The following ZNF362 variants were observed in gnomAD, a reference collection of about 807,000 sequenced individuals.
ZNF362 encodes the protein rotund homolog.
In ZNF362, 11 loss-of-function variants were observed where a neutral mutation model predicts 42.9. The ratio of observed to expected loss-of-function variants is 0.26; its 90% CI spans 0.16 to 0.42. The LOEUF (loss-of-function observed/expected upper bound fraction) is 0.42, where lower values mean the gene tolerates loss of function less well. Ranked by LOEUF, ZNF362 falls within the 20% of genes least tolerant of loss-of-function variation. ZNF362 has a pLI of 1.00. For synonymous variants in ZNF362, 255 were observed against 257.3 expected (o/e 0.99, Z 0.09); for missense variants, 362 against 576.2 (o/e 0.63, Z 3.81).
chr1:33,189,410 T>G, the ZNF362 span, among the ~76,000 whole-genome samples: 2 of 151,952 alleles, frequency 1.3e-5, no homozygotes, highest in African/African-American at 4.8e-5. Flanking sequence ...TTCAATGGAT[T>G]ACTGTTGCAC....
At chr1:33,189,634 C>CAT in the ZNF362 span, among the ~76,000 whole-genome samples, 274 of 55,476 alleles carry the variant, frequency 4.9e-3, 1 homozygote, top group African/African-American at 0.013. Flanking sequence ...CACATTCCAG[C>CAT]ATATATATAT....
the ZNF362 span, among the ~76,000 whole-genome samples, chr1:33,210,480 T>C: frequency 2.0e-5 from 3 of 152,202 alleles, no homozygotes; most frequent in South Asian, 6.2e-4. Context: ...TGGATATCCT[T>C]GTTAATTTTC....
chr1:33,223,893 CAAAAAAAAAAAA>C, the ZNF362 span, among the ~76,000 whole-genome samples: 1 of 85,440 alleles, frequency 1.2e-5, no homozygotes, highest in African/African-American at 5.2e-5. Flanking sequence ...AACTCCATCT[CAAAAAAAAAAAA>C]AAAAAGAAAA....
chr1:33,211,562 AC>A, the ZNF362 span, among the ~76,000 whole-genome samples: 1 of 151,946 alleles, frequency 6.6e-6, no homozygotes, highest in South Asian at 2.1e-4. Flanking sequence ...TTGAATATTG[AC>A]CCCCACTCTC....
the ZNF362 span, among the ~76,000 whole-genome samples, chr1:33,229,023 G>A: frequency 3.9e-5 from 6 of 152,056 alleles, no homozygotes; most frequent in Admixed American, 3.3e-4. Context: ...CCTCTGCAAG[G>A]GGTGGTTTTC....
chr1:33,182,600 T>TTGTGTGTGTGTG, the ZNF362 span, among the ~76,000 whole-genome samples: 164 of 147,084 alleles, frequency 1.1e-3, no homozygotes, highest in African/African-American at 3.4e-3. Flanking sequence ...AGTGCTGTAT[T>TTGTGTGTGTGTG]TGTGTGTGTG....
chr1:33,144,037 A>AC, the ZNF362 span, among the ~76,000 whole-genome samples: 2 of 152,132 alleles, frequency 1.3e-5, no homozygotes, highest in Non-Finnish European at 2.9e-5. Flanking sequence ...TACAGAAGAT[A>AC]GTGTCTGATG....
chr1:33,147,345 C>T, the ZNF362 span: 1 of 1,614,210 alleles, frequency 6.2e-7, no homozygotes, highest in Non-Finnish European at 8.5e-7. This position sits in a 1 kb window ranked among gnomAD's most constrained non-coding sequence, Gnocchi z 8.1. Flanking sequence ...GGTCATAGTC[C>T]AGGAAGACAC....
upstream of ZNF362, among the ~76,000 whole-genome samples, chr1:33,254,081 T>C (rs1645773122): frequency 6.6e-6 from 1 of 151,588 alleles, no homozygotes; most frequent in Non-Finnish European, 1.5e-5. Context: ...AATTCCATAG[T>C]TTATTTAGAT....
At chr1:33,176,570 C>T in the ZNF362 span, 1 of 570,406 alleles carries the variant, frequency 1.8e-6, no homozygotes, top group East Asian at 2.9e-5. Context: ...AGCCGGATGC[C>T]ACGTCTGCTC....
chr1:33,189,708 CGTATATATAT>C, the ZNF362 span, among the ~76,000 whole-genome samples: 7 of 7,268 alleles, frequency 9.6e-4, no homozygotes, highest in South Asian at 4.5e-3. Flanking sequence ...CACATATATA[CGTATATATAT>C]ACATACACAC....
chr1:33,141,104 C>T, the ZNF362 span, among the ~76,000 whole-genome samples: 1 of 151,998 alleles, frequency 6.6e-6, no homozygotes, highest in African/African-American at 2.4e-5. Flanking sequence ...ATGTTGGGGC[C>T]CGTGATGCTG....
chr1:33,224,617 G>A, the ZNF362 span, among the ~76,000 whole-genome samples: 1 of 152,266 alleles, frequency 6.6e-6, no homozygotes, highest in East Asian at 1.9e-4. Flanking sequence ...ACCTATAATT[G>A]CAAGAGATCT....
At chr1:33,198,369 G>A in the ZNF362 span, among the ~76,000 whole-genome samples, 6 of 152,016 alleles carry the variant, frequency 3.9e-5, no homozygotes, top group Non-Finnish European at 7.4e-5. Flanking sequence ...AAATAAAAAA[G>A]AAGAGAAAAG....
At chr1:33,131,423 A>G in the ZNF362 span, among the ~76,000 whole-genome samples, 3 of 152,198 alleles carry the variant, frequency 2.0e-5, no homozygotes, top group African/African-American at 7.2e-5. Flanking sequence ...GCTGTCTGTT[A>G]TGTTAGCCAC....
chr1:33,287,206 G>A (rs72658203), intron 6 of ZNF362, among the ~76,000 whole-genome samples: 9,829 of 152,258 alleles, frequency 0.065, 476 homozygotes, highest in African/African-American at 0.14. Flanking sequence ...GCATTGTCTC[G>A]TGCAGTTAGT....
At chr1:33,277,752 T>C (rs867334781) in intron 4 of ZNF362, among the ~76,000 whole-genome samples, 3 of 152,212 alleles carry the variant, frequency 2.0e-5, no homozygotes, top group Admixed American at 6.5e-5. Flanking sequence ...TGTGATGGAA[T>C]CCCCGGAGAA....
rs565509159 is a variant in ZNF362 at position 33,288,601 on chromosome 1, C to T, written c.909-6336C>T. On this transcript the variant is annotated intron_variant, in intron 6 of 8. Transcript: ENST00000539719. ...CTACTAAAAATACAAAAAAATTAGC[C>T]GAGCACAGTGGCACAGGCCTGTAGT... Among the ~76,000 whole-genome samples the T allele has an allele frequency of 7.4e-4, 113 of 151,774 alleles. 1 individual carries two copies. The highest frequency in any genetic ancestry group is 3.4e-3 in the Middle Eastern group (1 of 292).
rs530342899 is a variant in ZNF362 at position 33,280,120 on chromosome 1, G to A, written c.350-4G>A. Reference sequence around the variant, plus strand: ...CCCCTGCCCCCACCCACCTGTCTTCGCAGGTCTGGGGCTGTCCACCCGGAC... The same window carrying A: ...CCCCTGCCCCCACCCACCTGTCTTCACAGGTCTGGGGCTGTCCACCCGGAC... On this transcript the variant is annotated splice_polypyrimidine_tract_variant and splice_region_variant and intron_variant, in intron 4 of 8. Transcript: ENST00000539719. The surrounding 1 kb of genome is among the most constrained non-coding windows in gnomAD (Gnocchi z 5.6). 3.9e-6 allele frequency: 6 copies of A among 1,552,852 alleles called. No individual in the cohort carries two copies. Among genetic ancestry groups the A allele is most frequent in the African/African-American group, 1.4e-5 (1 of 73,846 alleles).
Sources: allele counts gnomAD v4.1 joint callset (sites outside exome capture counted in the v4.1 genomes callset), GRCh38; gene constraint gnomAD v4.1.1; non-coding constraint Gnocchi (gnomAD v3.1); transcripts MANE v1.5; gene names NCBI Gene and HGNC (gene_info 2026-07-23, HGNC 2026-07-21).